Variants in ADGRL3 observed in about 807,000 individuals in gnomAD.
ADGRL3 encodes calcium-independent alpha-latrotoxin receptor 3.
ADGRL3 carries 62 observed loss-of-function variants against 153.5 expected under a neutral mutation model. The ratio of observed to expected loss-of-function variants is 0.40; its 90% CI spans 0.33 to 0.50. The LOEUF (loss-of-function observed/expected upper bound fraction) is 0.50. ADGRL3 is among the 20% of genes least tolerant of loss of function. The pLI is 0.47. For missense variants in ADGRL3, 1,641 were observed against 1,859.4 expected (o/e 0.88, Z 2.16); for synonymous variants, 710 against 672.5 (o/e 1.06, Z -0.86).
At chr4:61,960,051 A>G (rs2098982112) in intron 17 of ADGRL3, among the ~76,000 whole-genome samples, 2 of 152,224 alleles carry the variant, frequency 1.3e-5, no homozygotes, top group African/African-American at 4.8e-5. Flanking sequence ...CTTGAAAAGA[A>G]ACTGGTTTCA....
intron 1 of ADGRL3, among the ~76,000 whole-genome samples, chr4:61,238,951 T>C (rs1345621310): frequency 1.3e-5 from 2 of 152,114 alleles, no homozygotes; most frequent in African/African-American, 4.8e-5. Context: ...AATAAATAAG[T>C]TCTCTTATTC....
intron 8 of ADGRL3, among the ~76,000 whole-genome samples, chr4:61,738,964 T>G (rs965340963): frequency 2.0e-5 from 3 of 152,202 alleles, no homozygotes; most frequent in Non-Finnish European, 4.4e-5. Flanking sequence ...TTACTATGTT[T>G]CTCTAAAAAC....
intron 4 of ADGRL3, among the ~76,000 whole-genome samples, chr4:61,568,469 A>G (rs949461553): frequency 1.3e-5 from 2 of 152,128 alleles, no homozygotes; most frequent in African/African-American, 4.8e-5. Flanking sequence ...TACAGAAACT[A>G]TGCTTAATAA....
chr4:61,451,315 G>A (rs907286363), intron 2 of ADGRL3, among the ~76,000 whole-genome samples: 2 of 151,966 alleles, frequency 1.3e-5, no homozygotes, highest in African/African-American at 4.8e-5. Flanking sequence ...ATGGTTTAGA[G>A]ACCTAAGTGT....
At position 61,295,615 on chromosome 4, in the gene ADGRL3, C is replaced by T. The variant is rs551758854; in HGVS notation, c.-239-87509C>T. On this transcript the variant is annotated intron_variant, in intron 1 of 26. Coordinates refer to ENST00000683033, the MANE Select transcript of ADGRL3 (RefSeq NM_001387552.1). Reference sequence around the variant, plus strand: ...AATATATTTTCATACCTCATCAAATCTCCTATAAAACAATTGATTTCTGTA... The same window carrying T: ...AATATATTTTCATACCTCATCAAATTTCCTATAAAACAATTGATTTCTGTA... 1.2e-4 allele frequency among the ~76,000 whole-genome samples: 19 copies of T among 152,048 alleles called. 1 individual carries two copies. Among genetic ancestry groups the T allele is most frequent in the African/African-American group, 4.6e-4 (19 of 41,482 alleles).
At chr4:61,418,209 G>T (rs1033889366) in intron 2 of ADGRL3, among the ~76,000 whole-genome samples, 35 of 152,136 alleles carry the variant, frequency 2.3e-4, no homozygotes, top group African/African-American at 8.0e-4. Flanking sequence ...TTATATTTTC[G>T]TTGGACAAAA....
intron 5 of ADGRL3, among the ~76,000 whole-genome samples, chr4:61,640,639 A>G (rs529863697): frequency 6.6e-6 from 1 of 152,332 alleles, no homozygotes; most frequent in South Asian, 2.1e-4. Context: ...GACGTGACAC[A>G]TATTAGACAA....
intron 21 of ADGRL3, among the ~76,000 whole-genome samples, chr4:62,021,308 A>G (rs577046174): frequency 6.6e-6 from 1 of 152,114 alleles, no homozygotes; most frequent in South Asian, 2.1e-4. Context: ...ATGTATCCCC[A>G]CTTCACAGAA....
At chr4:61,895,680 G>A (rs2098626631) in intron 10 of ADGRL3, 51 bp from the exon 11 acceptor site, 2 of 919,652 alleles carry the variant, frequency 2.2e-6, no homozygotes, top group South Asian at 1.5e-5. Context: ...TACCATGGAT[G>A]TGAAGTCATT....
rs138596180 is a variant in ADGRL3, at chr4:61,223,404, T to C, written c.-240+21639T>C. Among the ~76,000 whole-genome samples the C allele has an allele frequency of 4.6e-3, 705 of 152,278 alleles. 6 individuals are homozygous for C. Among genetic ancestry groups the C allele is most frequent in the African/African-American group, 0.016 (674 of 41,560 alleles). On this transcript the variant is annotated intron_variant, in intron 1 of 26. Transcript: ENST00000683033. The stretch of plus-strand genomic sequence containing the variant: ...AATATAAGCAGAGAGTGATGCAAAA[T>C]TGTTTTTTATGGATTTCTCATTGGC...
intron 21 of ADGRL3, among the ~76,000 whole-genome samples, chr4:62,012,215 A>C (rs1047023330): frequency 6.6e-6 from 1 of 152,172 alleles, no homozygotes; most frequent in East Asian, 1.9e-4. Context: ...CTGTATTTTG[A>C]GTCACATACT....
At chr4:61,517,654 A>G in intron 4 of ADGRL3, 136 bp downstream of exon 4, 1 of 617,996 alleles carries the variant, frequency 1.6e-6, no homozygotes, top group Non-Finnish European at 2.9e-6. Context: ...TGATATTACC[A>G]CTTAGTGATA....
At chr4:61,590,376 T>TTTTTTAAAAAAAACTCTTTAAATA (rs2098964618) in intron 5 of ADGRL3, among the ~76,000 whole-genome samples, 1 of 151,880 alleles carries the variant, frequency 6.6e-6, no homozygotes, top group Non-Finnish European at 1.5e-5. Context: ...TTTTAGAGAG[T>TTTTTTAAAAAAAACTCTTTAAATA]TTTTTAAAAA....
chr4:61,558,132 C>CAT (rs1218786987), intron 4 of ADGRL3, among the ~76,000 whole-genome samples: 6 of 133,884 alleles, frequency 4.5e-5, no homozygotes, highest in African/African-American at 5.8e-5. Context: ...ATGTAGGAAT[C>CAT]ATATATATAT....
At chr4:61,390,380 G>A (rs1278309114) in intron 2 of ADGRL3, among the ~76,000 whole-genome samples, 3 of 152,136 alleles carry the variant, frequency 2.0e-5, no homozygotes, top group South Asian at 4.1e-4. Flanking sequence ...GTCCAAAAAA[G>A]GCTGCTTATT....
At chr4:61,231,896 A>G (rs1280164514) in intron 1 of ADGRL3, among the ~76,000 whole-genome samples, 1 of 152,004 alleles carries the variant, frequency 6.6e-6, no homozygotes, top group East Asian at 1.9e-4. Flanking sequence ...TGAGGAGGTA[A>G]TTATGACTCT....
At chr4:61,823,322 T>G (rs557026301) in intron 9 of ADGRL3, among the ~76,000 whole-genome samples, 1 of 152,336 alleles carries the variant, frequency 6.6e-6, no homozygotes, top group African/African-American at 2.4e-5. Flanking sequence ...TGCTAGTCAG[T>G]AATGACAATG....
intron 16 of ADGRL3, 149 bp downstream of exon 16, chr4:61,947,271 A>G: frequency 1.5e-6 from 1 of 657,410 alleles, no homozygotes; most frequent in Non-Finnish European, 2.5e-6. Context: ...TTTTTTTGTC[A>G]GAAATAAGAT....
At chr4:61,734,359 G>T (rs1197473331) in intron 8 of ADGRL3, among the ~76,000 whole-genome samples, 1 of 151,998 alleles carries the variant, frequency 6.6e-6, no homozygotes, top group Non-Finnish European at 1.5e-5. Context: ...ATATAAACAA[G>T]ACTGGGTAAT....
Sources: allele counts gnomAD v4.1 joint callset (sites outside exome capture counted in the v4.1 genomes callset), GRCh38; gene constraint gnomAD v4.1.1; transcripts MANE v1.5; gene names NCBI Gene and HGNC (gene_info 2026-07-23, HGNC 2026-07-21).